The following STAM2 variants were observed in gnomAD, a reference collection of about 807,000 sequenced individuals.
STAM2 encodes the protein signal transducing adapter molecule 2.
A neutral mutation model predicts 65.6 loss-of-function variants in STAM2; 51 were observed. The ratio of observed to expected loss-of-function variants is 0.78; its 90% CI spans 0.62 to 0.98. The LOEUF (loss-of-function observed/expected upper bound fraction) is 0.98. Ranked by LOEUF, STAM2 falls within the 50% of genes least tolerant of loss-of-function variation. STAM2 has a pLI of 0.00. For synonymous variants in STAM2, 198 were observed against 208.4 expected, an observed-to-expected ratio of 0.95 and a Z score of 0.43; for missense variants, 584 against 617.8, an observed-to-expected ratio of 0.95 and a Z score of 0.58.
intron 11 of STAM2, chr2:152,131,668 C>A: frequency 5.2e-6 from 1 of 192,140 alleles, no homozygotes. Flanking sequence ...TCAGAAAAGG[C>A]AAAGCAAAAT....
intron 4 of STAM2, among the ~76,000 whole-genome samples, 175 bp downstream of exon 4, chr2:152,147,849 G>A (rs1251040860): frequency 6.6e-6 from 1 of 152,140 alleles, no homozygotes; most frequent in East Asian, 1.9e-4. Flanking sequence ...ATACTTTGGG[G>A]AGAATAGTTT....
At chr2:152,153,570 G>A (rs1407073809) in intron 1 of STAM2, among the ~76,000 whole-genome samples, 1 of 152,118 alleles carries the variant, frequency 6.6e-6, no homozygotes, top group African/African-American at 2.4e-5. Flanking sequence ...GTGATGAAAT[G>A]ACAAACCAGG....
intron 7 of STAM2, among the ~76,000 whole-genome samples, chr2:152,138,922 T>C (rs1579318330): frequency 2.0e-5 from 3 of 152,316 alleles, no homozygotes; most frequent in South Asian, 2.1e-4. Flanking sequence ...CAACTGTATG[T>C]GTGTACCCTT....
rs1038276353 is a variant in STAM2 at position 152,117,739 on chromosome 2, T to C, written c.*2835A>G. Reference sequence around the variant, plus strand: ...TATGTTTTTACTAAGAAAACCTTTTTAAAAAAAATCCCTAAGCTATATGTT... The same window carrying C: ...TATGTTTTTACTAAGAAAACCTTTTCAAAAAAAATCCCTAAGCTATATGTT... On this transcript the variant is annotated 3_prime_UTR_variant, in exon 14 of 14. Transcript: ENST00000263904. 2.0e-5 allele frequency: 3 copies of C among 152,024 alleles called. No individual in the cohort carries two copies. Among genetic ancestry groups the C allele is most frequent in the Admixed American group, 2.0e-4 (3 of 15,248 alleles). The allele number at this position is 152,024 out of a possible 1,614,324, so 9.4% of individuals were successfully genotyped here. A position where few individuals can be genotyped will look rare whatever the true frequency, so the allele number is the denominator to read the frequency against.
At chr2:152,121,888 C>G (rs1441689309) in intron 13 of STAM2, among the ~76,000 whole-genome samples, 1 of 151,770 alleles carries the variant, frequency 6.6e-6, no homozygotes, top group East Asian at 1.9e-4. Context: ...ACTACAAATA[C>G]AAAAACAAAA....
chr2:152,136,385 G>A (rs1689155112), intron 7 of STAM2, among the ~76,000 whole-genome samples: 1 of 152,112 alleles, frequency 6.6e-6, no homozygotes, highest in Non-Finnish European at 1.5e-5. Flanking sequence ...AGAGGTTGCA[G>A]TGAGCTGAAA....
At chr2:152,171,601 G>A (rs1398241269) in intron 1 of STAM2, among the ~76,000 whole-genome samples, 1 of 152,212 alleles carries the variant, frequency 6.6e-6, no homozygotes. Flanking sequence ...TTTCACTGGA[G>A]AAAGTCCCAA....
At chr2:152,156,695 C>T (rs1004410447) in intron 1 of STAM2, among the ~76,000 whole-genome samples, 1 of 152,018 alleles carries the variant, frequency 6.6e-6, no homozygotes, top group African/African-American at 2.4e-5. Context: ...AAAAAGGCTC[C>T]CCCCCTTACA....
intron 11 of STAM2, 112 bp downstream of exon 11, chr2:152,132,002 C>G (rs922194636): frequency 3.0e-6 from 2 of 655,970 alleles, no homozygotes; most frequent in African/African-American, 3.8e-5. Flanking sequence ...AACTGAAAAA[C>G]AATTTCCATG....
chr2:152,130,207 C>T (rs1213090680), intron 11 of STAM2, among the ~76,000 whole-genome samples: 1 of 152,082 alleles, frequency 6.6e-6, no homozygotes, highest in East Asian at 1.9e-4. Context: ...AAGCTCAAAA[C>T]CCTGAAAGTC....
chr2:152,139,433 T>A (rs1689207193), intron 7 of STAM2, among the ~76,000 whole-genome samples: 1 of 152,220 alleles, frequency 6.6e-6, no homozygotes, highest in African/African-American at 2.4e-5. Context: ...AGCACAAAGC[T>A]GTAGTCCCAG....
intron 1 of STAM2, among the ~76,000 whole-genome samples, chr2:152,170,286 C>A (rs1689874955): frequency 1.3e-5 from 2 of 151,470 alleles, no homozygotes; most frequent in East Asian, 2.0e-4. Context: ...TCGAGACCAG[C>A]CTGGCCAACA....
Position 152,160,153 on chromosome 2 carries a change from C to A in STAM2, c.41-9924G>T, listed in dbSNP as rs1252172676. Among the ~76,000 whole-genome samples the A allele has an allele frequency of 3.3e-5, 5 of 152,332 alleles. No homozygotes were observed. The East Asian group carries it at 9.7e-4, about 29-fold the overall frequency. On this transcript the variant is annotated intron_variant, in intron 1 of 13. Coordinates refer to ENST00000263904, the MANE Select transcript of STAM2 (RefSeq NM_005843.6). Reference sequence around the variant, plus strand: ...TGCAGCCTCTGCCCGGCCGCCACCCCGTCGGGGAAGTGAGGAGCGTCTCTG... The same window carrying A: ...TGCAGCCTCTGCCCGGCCGCCACCCAGTCGGGGAAGTGAGGAGCGTCTCTG...
At chr2:152,175,217 T>C (rs767738020) in intron 1 of STAM2, among the ~76,000 whole-genome samples, 1 of 152,254 alleles carries the variant, frequency 6.6e-6, no homozygotes, top group Non-Finnish European at 1.5e-5. Flanking sequence ...TCTCCACTGC[T>C]GCATCATCTT....
chr2:152,164,821 G>A (rs1229219973), intron 1 of STAM2, among the ~76,000 whole-genome samples: 1 of 152,048 alleles, frequency 6.6e-6, no homozygotes, highest in East Asian at 1.9e-4. Flanking sequence ...GAAAAGAAGG[G>A]GGAAAAACAC....
At chr2:152,168,656 C>T (rs928776114) in intron 1 of STAM2, among the ~76,000 whole-genome samples, 6 of 152,230 alleles carry the variant, frequency 3.9e-5, no homozygotes, top group African/African-American at 1.4e-4. Flanking sequence ...ATATTTTAAA[C>T]CATCAATATC....
intron 1 of STAM2, among the ~76,000 whole-genome samples, chr2:152,160,153 C>T (rs1252172676): frequency 3.9e-5 from 6 of 152,214 alleles, no homozygotes; most frequent in African/African-American, 4.8e-5. Context: ...GCCGCCACCC[C>T]GTCGGGGAAG....
chr2:152,161,676 T>C (rs558187126), intron 1 of STAM2, among the ~76,000 whole-genome samples: 1 of 152,200 alleles, frequency 6.6e-6, no homozygotes, highest in Admixed American at 6.5e-5. Context: ...ATTTTATAGT[T>C]AAACTTAGGT....
At chr2:152,146,604 T>A (rs185273218) in intron 5 of STAM2, among the ~76,000 whole-genome samples, 1 of 152,336 alleles carries the variant, frequency 6.6e-6, no homozygotes, top group Non-Finnish European at 1.5e-5. Flanking sequence ...AAACAAGTCT[T>A]GAGCCTCTCA....
Sources: gnomAD v4.1 joint callset for allele counts (sites outside exome capture counted in the v4.1 genomes callset) on GRCh38, gnomAD v4.1.1 for gene constraint, MANE v1.5 for transcripts, NCBI Gene and HGNC (gene_info 2026-07-23, HGNC 2026-07-21) for gene names.